The following DDX25 variants were observed in gnomAD, a reference collection of about 807,000 sequenced individuals.
DDX25 encodes the protein DEAD-box helicase 25, also known as ATP-dependent RNA helicase DDX25.
DDX25 carries 70 observed loss-of-function variants against 64.6 expected under a neutral mutation model. The observed-to-expected ratio is 1.08, with a 90% CI of 0.89 to 1.32. DDX25 has a LOEUF of 1.32. Among genes scored for constraint, DDX25 ranks in the 40% most tolerant of loss-of-function variants. DDX25 has a pLI of 0.00. For synonymous variants in DDX25, 211 were observed against 213.3 expected (o/e 0.99, Z 0.09); for missense variants, 587 against 604.4 (o/e 0.97, Z 0.30).
At position 125,925,185 on chromosome 11, in the gene DDX25, CTAAA is replaced by C; in HGVS notation, c.*2309_*2312del. The C allele has an allele frequency of 3.4e-5, 11 of 327,902 alleles. No homozygotes were observed. Among genetic ancestry groups the C allele is most frequent in the South Asian group, 2.7e-4 (11 of 41,326 alleles). 20.3% of individuals were successfully genotyped at this position (327,902 alleles called of 1,614,324 possible). On this transcript the variant is annotated 3_prime_UTR_variant, in exon 12 of 12. Transcript: ENST00000263576. ...GTGCTCAGCTCCGCCTTGGGGTGTC[CTAAA>C]TAAAACTTTACCACTTTCCTTTACA...
intron 4 of DDX25, among the ~76,000 whole-genome samples, chr11:125,907,247 A>AC (rs1265522577): frequency 9.2e-5 from 14 of 152,338 alleles, no homozygotes; most frequent in Admixed American, 2.0e-4. Flanking sequence ...GAAGAAGCCT[A>AC]CCCATGATTT....
In DDX25 at chr11:125,924,645, G is replaced by A. The variant is rs1219680947; in HGVS notation, c.*1764G>A. ...CAGACCCAGCTTACCATAATTACCT[G>A]GAGAGCCCGGGGAAAAAAATACAGA... On this transcript the variant is annotated 3_prime_UTR_variant, in exon 12 of 12. Transcript: ENST00000263576. 1.3e-5 allele frequency: 2 copies of A among 152,212 alleles called. No individual in the cohort carries two copies. Among genetic ancestry groups the A allele is most frequent in the Non-Finnish European group, 2.9e-5 (2 of 68,074 alleles). The allele number at this position is 152,212 out of a possible 1,614,324, so 9.4% of individuals were successfully genotyped here.
intron 9 of DDX25, among the ~76,000 whole-genome samples, chr11:125,917,527 A>AT (rs1224324872): frequency 6.6e-6 from 1 of 152,204 alleles, no homozygotes; most frequent in Non-Finnish European, 1.5e-5. Context: ...GCTTATGTTT[A>AT]TTGTACCTTG....
At position 125,922,890 on chromosome 11, in the gene DDX25, CTTTATTG is replaced by C; in HGVS notation, c.*13_*19del. ...AAAAGATTGACTATTGAAGAAAGAACTTTATTGTTTGTGCAGTATCCTAGTTTATGTG... is the reference window on the plus strand; with the variant it reads ...AAAAGATTGACTATTGAAGAAAGAACTTTGTGCAGTATCCTAGTTTATGTG... On this transcript the variant is annotated 3_prime_UTR_variant, in exon 12 of 12. Coordinates refer to ENST00000263576, the MANE Select transcript of DDX25 (RefSeq NM_013264.5). The C allele has an allele frequency of 6.2e-7, 1 of 1,600,974 alleles. No homozygotes were observed. Among genetic ancestry groups the C allele is most frequent in the Non-Finnish European group, 8.5e-7 (1 of 1,172,686 alleles).
intron 3 of DDX25, 67 bp downstream of exon 3, chr11:125,905,664 G>C (rs537305446): frequency 2.8e-5 from 40 of 1,444,746 alleles, no homozygotes; most frequent in Non-Finnish European, 3.8e-6. Flanking sequence ...TTAATAGTGT[G>C]AGTGAATAAT....
rs1591514294 is a variant in DDX25 at position 125,906,221 on chromosome 11, T to C, written c.311+12T>C. On this transcript the variant is annotated intron_variant, in intron 4 of 11. Transcript: ENST00000263576. ...GAAGAGCTGCGGCTGTGAGTATTTT[T>C]ACTCTTTTAATATGGGAAAAATGCT... 6.5e-7 allele frequency: 1 copy of C among 1,530,880 alleles called. No homozygotes were observed. Among genetic ancestry groups the C allele is most frequent in the East Asian group, 2.5e-5 (1 of 40,628 alleles). The allele number at this position is 1,530,880 out of a possible 1,614,324, so 94.8% of individuals were successfully genotyped here.
In DDX25 at chr11:125,924,090, C is replaced by T. The variant is rs1036061280; in HGVS notation, c.*1209C>T. 6.6e-6 allele frequency: 1 copy of T among 152,148 alleles called. No homozygotes were observed. Among genetic ancestry groups the T allele is most frequent in the Non-Finnish European group, 1.5e-5 (1 of 68,070 alleles). The allele number at this position is 152,148 out of a possible 1,614,324, so 9.4% of individuals were successfully genotyped here. A position where few individuals can be genotyped will look rare whatever the true frequency, so the allele number is the denominator to read the frequency against. On this transcript the variant is annotated 3_prime_UTR_variant, in exon 12 of 12. Coordinates refer to ENST00000263576, the MANE Select transcript of DDX25 (RefSeq NM_013264.5). ...GACCAGCCTTACCAACATGGTGAAA[C>T]CCCTTCTCTACTAAAAATATAAAAA...
Position 125,928,306 on chromosome 11 carries a change from T to C in DDX25, c.*5425T>C, listed in dbSNP as rs1945185423. The stretch of plus-strand genomic sequence containing the variant: ...TGTTACCACACAGTGTTTGGGATTA[T>C]ATTTTCAAAATAATAATTGACCAGA... On this transcript the variant is annotated 3_prime_UTR_variant, in exon 12 of 12. Coordinates refer to ENST00000263576, the MANE Select transcript of DDX25 (RefSeq NM_013264.5). 1 of 152,238 alleles carries C rather than the reference T, an allele frequency of 6.6e-6. No homozygotes were observed. Among genetic ancestry groups the C allele is most frequent in the African/African-American group, 2.4e-5 (1 of 41,460 alleles). The allele number at this position is 152,238 out of a possible 1,614,324, so 9.4% of individuals were successfully genotyped here. A position where few individuals can be genotyped will look rare whatever the true frequency, so the allele number is the denominator to read the frequency against.
Position 125,917,570 on chromosome 11 carries a change from T to C in DDX25, c.1038+319T>C, listed in dbSNP as rs142061593. On this transcript the variant is annotated intron_variant, in intron 9 of 11. Transcript: ENST00000263576. ...ACCCTTTATCAGGTGAAGGATGTTATTCACTATTAACAAAACCCCGTTTTT... is the reference window on the plus strand; with the variant it reads ...ACCCTTTATCAGGTGAAGGATGTTACTCACTATTAACAAAACCCCGTTTTT... Among the ~76,000 whole-genome samples, 130 of 152,342 alleles carry C rather than the reference T, an allele frequency of 8.5e-4. 1 individual carries two copies. The highest frequency in any genetic ancestry group is 3.0e-3 in the African/African-American group (124 of 41,578).
Position 125,921,153 on chromosome 11 carries a change from A to G in DDX25, c.1202-38A>G, listed in dbSNP as rs1422468281. 4 of 1,573,310 alleles carry G rather than the reference A, an allele frequency of 2.5e-6. No individual in the cohort carries two copies. In the African/African-American group the frequency reaches 5.4e-5, roughly 21 times the overall value. ...ACTTGAATGGCCCGTGTACTGAGGA[A>G]AGCATTGCAGGACCCTACAGTGTTT... On this transcript the variant is annotated intron_variant, in intron 10 of 11. Transcript: ENST00000263576. This position sits in a 1 kb window ranked among gnomAD's most constrained non-coding sequence, Gnocchi z 4.1.
At chr11:125,912,675 G>T (rs1448427792) in intron 8 of DDX25, among the ~76,000 whole-genome samples, 1 of 151,820 alleles carries the variant, frequency 6.6e-6, no homozygotes, top group African/African-American at 2.4e-5. Context: ...CACAGATACA[G>T]ATGGCACTAA....
At chr11:125,904,675 G>A (rs1393922636) in intron 1 of DDX25, 95 bp downstream of exon 1, 1 of 1,337,938 alleles carries the variant, frequency 7.5e-7, no homozygotes, top group Non-Finnish European at 1.0e-6. Flanking sequence ...GCCCGCGAGC[G>A]TTCGAAGTGG....
chr11:125,906,178 T>C lies in DDX25; in HGVS notation c.280T>C (p.Tyr94His). 6.5e-7 allele frequency: 1 copy of C among 1,550,184 alleles called. No individual in the cohort carries two copies. Among genetic ancestry groups the C allele is most frequent in the East Asian group, 2.4e-5 (1 of 40,878 alleles). The change falls in exon 4 of 12, where the codon TAC (tyrosine) becomes CAC (histidine). Residue 94 changes from tyrosine (Y) to histidine (H), a missense_variant. Transcript: ENST00000263576. ...VLQKDPSSPLYSVKTFEELRL... is the reference protein window; with the variant it reads ...VLQKDPSSPLHSVKTFEELRL... ...ACAGAAGGATCCCAGCTCTCCACTTTACTCAGTAAAGACATTTGAAGAGCT... is the reference window on the plus strand; with the variant it reads ...ACAGAAGGATCCCAGCTCTCCACTTCACTCAGTAAAGACATTTGAAGAGCT...
At chr11:125,913,738 T>C (rs1944997127) in intron 8 of DDX25, among the ~76,000 whole-genome samples, 1 of 152,058 alleles carries the variant, frequency 6.6e-6, no homozygotes, top group Non-Finnish European at 1.5e-5. Flanking sequence ...ACTAGACACA[T>C]ACTGCACCCT....
chr11:125,911,632 C>T (rs1944970314), intron 8 of DDX25, 144 bp downstream of exon 8: 1 of 879,670 alleles, frequency 1.1e-6, no homozygotes, highest in South Asian at 1.9e-5. Flanking sequence ...ATTATTTTCA[C>T]CAGTTCAAGG....
At chr11:125,907,603 G>C (rs144469054) in intron 4 of DDX25, among the ~76,000 whole-genome samples, 3 of 145,882 alleles carry the variant, frequency 2.1e-5, no homozygotes, top group East Asian at 4.1e-4. Flanking sequence ...GCAAGACTCC[G>C]TCTCAAAAAA....
Position 125,927,228 on chromosome 11 carries a change from G to T in DDX25, c.*4347G>T, listed in dbSNP as rs996332167. On this transcript the variant is annotated 3_prime_UTR_variant, in exon 12 of 12. Transcript: ENST00000263576. ...CACACGTGAACTGGGATGATTCTTG[G>T]CTGAGAGATGTCCCATGGTGTTTGG... The T allele has an allele frequency of 9.9e-5, 15 of 152,224 alleles. No individual in the cohort carries two copies. The highest frequency in any genetic ancestry group is 1.8e-4 in the Non-Finnish European group (12 of 68,056). 9.4% of individuals were successfully genotyped at this position (152,224 alleles called of 1,614,324 possible). A position where few individuals can be genotyped will look rare whatever the true frequency, so the allele number is the denominator to read the frequency against.
intron 4 of DDX25, among the ~76,000 whole-genome samples, chr11:125,907,590 A>T (rs2134274513): frequency 6.6e-6 from 1 of 151,588 alleles, no homozygotes; most frequent in East Asian, 1.9e-4. Flanking sequence ...CCTGGGCGAC[A>T]GAGCAAGACT....
Position 125,906,108 on chromosome 11 carries a change from A to G in DDX25, c.210A>G (p.Leu70=), listed in dbSNP as rs1184960475. Residue 70 remains leucine, a synonymous_variant, in exon 4 of 12, where the codon TTA becomes TTG. Coordinates refer to ENST00000263576, the MANE Select transcript of DDX25 (RefSeq NM_013264.5). ...DLAANSLLNK[L]IHQSLVESSH... ...CAGCTAATTCACTCTTAAACAAGTTAATCCATCAATCCTTAGTAGAATCCA... is the reference window on the plus strand; with the variant it reads ...CAGCTAATTCACTCTTAAACAAGTTGATCCATCAATCCTTAGTAGAATCCA... The G allele has an allele frequency of 6.5e-7, 1 of 1,547,340 alleles. No homozygotes were observed. The highest frequency in any genetic ancestry group is 2.0e-5 in the Admixed American group (1 of 49,894).
Sources: allele counts gnomAD v4.1 joint callset (sites outside exome capture counted in the v4.1 genomes callset), GRCh38; gene constraint gnomAD v4.1.1; non-coding constraint Gnocchi (gnomAD v3.1); transcripts MANE v1.5; gene names NCBI Gene and HGNC (gene_info 2026-07-23, HGNC 2026-07-21).